PALS2: variants seen among roughly 807,000 people sequenced by gnomAD.
PALS2 encodes protein PALS2.
A neutral mutation model predicts 61.6 loss-of-function variants in PALS2; 27 were observed. That is an observed-to-expected ratio of 0.44 (90% confidence interval 0.32 to 0.60). The LOEUF is 0.60. Ranked by LOEUF, PALS2 falls within the 20% of genes least tolerant of loss-of-function variation. The pLI, the probability that PALS2 is intolerant of heterozygous loss-of-function variation, is 0.05. For missense variants in PALS2, 554 were observed against 639.4 expected (o/e 0.87, Z 1.44); for synonymous variants, 236 against 218.6 (o/e 1.08, Z -0.70).
At chr7:24,678,996 A>C in intron 9 of PALS2, 135 bp from the exon 10 acceptor site, 1 of 671,180 alleles carries the variant, frequency 1.5e-6, no homozygotes, top group Non-Finnish European at 2.6e-6. Flanking sequence ...CAAAAATAAG[A>C]AGCAGATCAG....
intron 2 of PALS2, among the ~76,000 whole-genome samples, chr7:24,633,676 A>G (rs1785108648): frequency 6.6e-6 from 1 of 151,912 alleles, no homozygotes; most frequent in Admixed American, 6.6e-5. Flanking sequence ...GATTGGGGAT[A>G]CTCAACCTAT....
At chr7:24,674,075 C>T (rs1787440793) in intron 9 of PALS2, among the ~76,000 whole-genome samples, 1 of 151,838 alleles carries the variant, frequency 6.6e-6, no homozygotes, top group Admixed American at 6.6e-5. Flanking sequence ...ATTGTAATCC[C>T]GAATATGCAA....
Position 24,668,665 on chromosome 7 carries a change from G to T in PALS2, c.1114+5G>T. 1 of 1,613,290 alleles carries T rather than the reference G, an allele frequency of 6.2e-7. No individual in the cohort carries two copies. The highest frequency in any genetic ancestry group is 8.5e-7 in the Non-Finnish European group (1 of 1,179,704). ...GATTTGGAACTACGGTGCCATGTAA[G>T]TTTTCTGTGTTTTCCTTGCTATGCA... On this transcript the variant is annotated splice_donor_5th_base_variant and intron_variant, in intron 9 of 11. Coordinates refer to ENST00000222644, the MANE Select transcript of PALS2 (RefSeq NM_001303037.2).
At chr7:24,586,632 A>G (rs1364885263) in intron 1 of PALS2, among the ~76,000 whole-genome samples, 2 of 152,200 alleles carry the variant, frequency 1.3e-5, no homozygotes, top group Non-Finnish European at 2.9e-5. Context: ...AGATATTAAG[A>G]AGAGAAATTT....
chr7:24,617,284 T>G (rs1244150507), intron 1 of PALS2, among the ~76,000 whole-genome samples: 1 of 152,162 alleles, frequency 6.6e-6, no homozygotes, highest in Non-Finnish European at 1.5e-5. Context: ...AATGAATCAT[T>G]TTTCCTAATT....
At chr7:24,589,028 T>C (rs1197046573) in intron 1 of PALS2, 1 of 152,194 alleles carries the variant, frequency 6.6e-6, no homozygotes, top group Non-Finnish European at 1.5e-5. Flanking sequence ...AGCAAAAGTA[T>C]TTCTTTACTG....
At chr7:24,647,548 A>G (rs1215194323) in intron 3 of PALS2, among the ~76,000 whole-genome samples, 1 of 152,130 alleles carries the variant, frequency 6.6e-6, no homozygotes, top group African/African-American at 2.4e-5. Flanking sequence ...TTTGGGTTGT[A>G]AATCAGAATT....
intron 9 of PALS2, among the ~76,000 whole-genome samples, chr7:24,676,779 C>A (rs1398696352): frequency 6.6e-6 from 1 of 151,076 alleles, no homozygotes; most frequent in African/African-American, 2.5e-5. Flanking sequence ...GTTACTGTAG[C>A]CTTGTAGTAT....
intron 11 of PALS2, among the ~76,000 whole-genome samples, chr7:24,684,640 T>C (rs1788102975): frequency 6.6e-6 from 1 of 152,180 alleles, no homozygotes; most frequent in African/African-American, 2.4e-5. Flanking sequence ...TTTTTAGACC[T>C]TTTCAGTAAC....
At chr7:24,591,933 G>T (rs1783302844) in intron 1 of PALS2, among the ~76,000 whole-genome samples, 1 of 151,956 alleles carries the variant, frequency 6.6e-6, no homozygotes, top group Non-Finnish European at 1.5e-5. Context: ...TAGCACTTCA[G>T]TGCTATGATT....
At chr7:24,649,818 G>A in intron 4 of PALS2, 54 bp downstream of exon 4, 1 of 1,426,488 alleles carries the variant, frequency 7.0e-7, no homozygotes, top group Non-Finnish European at 9.3e-7. Context: ...CATAATTTGT[G>A]GTTCAGTCAC....
intron 2 of PALS2, among the ~76,000 whole-genome samples, chr7:24,628,665 C>T (rs1240038376): frequency 3.9e-5 from 6 of 152,000 alleles, no homozygotes; most frequent in South Asian, 2.1e-4. Flanking sequence ...ACAAAATCAG[C>T]GCGCAAAAAT....
intron 11 of PALS2, among the ~76,000 whole-genome samples, chr7:24,681,525 A>ATTTTTTTTT (rs780176633): frequency 7.2e-6 from 1 of 138,570 alleles, no homozygotes; most frequent in African/African-American, 2.7e-5. Flanking sequence ...TTTCTCCAAG[A>ATTTTTTTTT]TTTTTTTTTT....
chr7:24,642,452 CAG>C (rs1785609049), intron 3 of PALS2, among the ~76,000 whole-genome samples: 2 of 152,076 alleles, frequency 1.3e-5, no homozygotes, highest in Non-Finnish European at 2.9e-5. Flanking sequence ...ATAATTAAGA[CAG>C]TGTGGTATTG....
At chr7:24,594,548 A>G (rs1392910542) in intron 1 of PALS2, among the ~76,000 whole-genome samples, 1 of 152,104 alleles carries the variant, frequency 6.6e-6, no homozygotes. Context: ...TTATTGTAGA[A>G]TTATTAATTA....
At chr7:24,674,753 A>G (rs1583993238) in intron 9 of PALS2, 1 of 152,268 alleles carries the variant, frequency 6.6e-6, no homozygotes, top group East Asian at 1.9e-4. Context: ...AACTTTCTTT[A>G]TATATTACAA....
intron 2 of PALS2, among the ~76,000 whole-genome samples, chr7:24,640,310 T>C (rs1351869195): frequency 2.0e-5 from 3 of 152,126 alleles, no homozygotes; most frequent in South Asian, 2.1e-4. Context: ...TAAGAACTTA[T>C]TTTACTCCTG....
chr7:24,625,474 G>A (rs1264064735), intron 2 of PALS2, among the ~76,000 whole-genome samples: 2 of 152,192 alleles, frequency 1.3e-5, no homozygotes, highest in African/African-American at 4.8e-5. Flanking sequence ...TGAAAAGTAA[G>A]ACTCAGTCAA....
rs1282636835 is a variant in PALS2 at position 24,573,550 on chromosome 7, GAGCGGCGGC to G, written c.-36_-28del. ...AGCAGCGGCGGCGGGGAGCGACCGG[GAGCGGCGGC>G]AGCGGCGGCGCGGAGGCGGCTGAGG... On this transcript the variant is annotated 5_prime_UTR_variant, in exon 1 of 12. Coordinates refer to ENST00000222644, the MANE Select transcript of PALS2 (RefSeq NM_001303037.2). The surrounding 1 kb of genome is among the most constrained non-coding windows in gnomAD (Gnocchi z 5.3). 5.7e-5 allele frequency: 22 copies of G among 386,516 alleles called. No homozygotes were observed. The highest frequency in any genetic ancestry group is 6.6e-4 in the Middle Eastern group (1 of 1,524). The allele number at this position is 386,516 out of a possible 1,614,324, so 23.9% of individuals were successfully genotyped here. A position where few individuals can be genotyped will look rare whatever the true frequency, so the allele number is the denominator to read the frequency against.
Sources: gnomAD v4.1 joint callset for allele counts (sites outside exome capture counted in the v4.1 genomes callset) on GRCh38, gnomAD v4.1.1 for gene constraint, Gnocchi (gnomAD v3.1) non-coding constraint, MANE v1.5 for transcripts, NCBI Gene and HGNC (gene_info 2026-07-23, HGNC 2026-07-21) for gene names.